The following NRXN3 variants were observed in gnomAD, a reference collection of about 807,000 sequenced individuals.
NRXN3 encodes the protein neurexin III.
In NRXN3, 32 loss-of-function variants were observed where a neutral mutation model predicts 137.6. That is an observed-to-expected ratio of 0.23 (90% confidence interval 0.18 to 0.31). The LOEUF is 0.31. NRXN3 is among the 10% of genes least tolerant of loss of function. The pLI, the probability that NRXN3 is intolerant of heterozygous loss-of-function variation, is 1.00. For synonymous variants in NRXN3, 798 were observed against 784.5 expected (o/e 1.02, Z -0.29); for missense variants, 1,574 against 2,062.5 (o/e 0.76, Z 4.59).
intron 15 of NRXN3, among the ~76,000 whole-genome samples, chr14:79,333,823 A>G (rs760545542): frequency 5.3e-5 from 8 of 152,180 alleles, no homozygotes; most frequent in Admixed American, 2.0e-4. Context: ...GTGCAGTGAA[A>G]GAGCCTTGCA....
intron 15 of NRXN3, among the ~76,000 whole-genome samples, chr14:79,044,213 A>C (rs2099629436): frequency 6.6e-6 from 1 of 152,188 alleles, no homozygotes; most frequent in Admixed American, 6.5e-5. Flanking sequence ...TCTTTTTGAG[A>C]AAACACGTTG....
intron 20 of NRXN3, chr14:79,853,642 C>G (rs2099396517): frequency 7.5e-7 from 1 of 1,338,596 alleles, no homozygotes; most frequent in Non-Finnish European, 9.9e-7. Context: ...GTGTAGTTCA[C>G]TCATAGATAT....
chr14:78,360,336 A>T (rs1312957203), intron 4 of NRXN3, among the ~76,000 whole-genome samples: 1 of 152,210 alleles, frequency 6.6e-6, no homozygotes, highest in African/African-American at 2.4e-5. Flanking sequence ...ATTCTTAGGC[A>T]TACAAATATT....
At chr14:79,788,674 AG>A (rs1291767749) in intron 19 of NRXN3, among the ~76,000 whole-genome samples, 1 of 152,208 alleles carries the variant, frequency 6.6e-6, no homozygotes, top group Non-Finnish European at 1.5e-5. Context: ...CCCTTGATAT[AG>A]TTGCCTCTAG....
chr14:79,081,796 A>C (rs1263681876), intron 15 of NRXN3, among the ~76,000 whole-genome samples: 3 of 152,102 alleles, frequency 2.0e-5, no homozygotes, highest in Non-Finnish European at 4.4e-5. Context: ...TAAACCAAAA[A>C]TGATCTAAAA....
rs144559584 is a variant in NRXN3, at chr14:79,647,122, G to T, written c.3445-16656G>T. Among the ~76,000 whole-genome samples the T allele has an allele frequency of 4.4e-5, 6 of 136,036 alleles. 1 individual carries two copies. Among genetic ancestry groups the T allele is most frequent in the Non-Finnish European group, 1.0e-4 (6 of 58,448 alleles). The allele number at this position is 136,036 out of a possible 152,430, so 89.2% of individuals were successfully genotyped here. A position where few individuals can be genotyped will look rare whatever the true frequency, so the allele number is the denominator to read the frequency against. ...TGGCTTGGATTTCACAATGAAGAGG[G>T]CTATGATTTATTGGCCCACTTAAAC... is the stretch of plus-strand genomic sequence containing the variant. On this transcript the variant is annotated intron_variant, in intron 16 of 20. Coordinates refer to ENST00000335750, the MANE Select transcript of NRXN3 (RefSeq NM_001330195.2).
intron 4 of NRXN3, among the ~76,000 whole-genome samples, chr14:78,612,329 A>G (rs1258551659): frequency 6.6e-6 from 1 of 152,214 alleles, no homozygotes; most frequent in Non-Finnish European, 1.5e-5. Context: ...GCTATTGCAA[A>G]CATGTTTTCA....
At chr14:78,320,433 G>A (rs61467094) in intron 4 of NRXN3, among the ~76,000 whole-genome samples, 3,147 of 152,210 alleles carry the variant, frequency 0.021, 112 homozygotes, top group African/African-American at 0.071. Context: ...GCTTGAGGTC[G>A]TCTGTGTGAG....
At chr14:79,505,259 T>G (rs2096867111) in intron 16 of NRXN3, among the ~76,000 whole-genome samples, 1 of 150,166 alleles carries the variant, frequency 6.7e-6, no homozygotes, top group South Asian at 2.1e-4. Flanking sequence ...AGACCACGTG[T>G]GCTGTTACAG....
intron 17 of NRXN3, among the ~76,000 whole-genome samples, chr14:79,677,833 T>C (rs1269727439): frequency 6.6e-6 from 1 of 152,166 alleles, no homozygotes; most frequent in East Asian, 1.9e-4. Context: ...TATTTCCATT[T>C]CCAGTAGTTG....
At chr14:79,340,364 A>C (rs993670133) in intron 15 of NRXN3, among the ~76,000 whole-genome samples, 1 of 152,164 alleles carries the variant, frequency 6.6e-6, no homozygotes, top group Non-Finnish European at 1.5e-5. Context: ...CCCTAACCTC[A>C]CTGATATATT....
At position 79,352,962 on chromosome 14, in the gene NRXN3, G is replaced by T. The variant is rs563982106; in HGVS notation, c.3263-114259G>T. Among the ~76,000 whole-genome samples the T allele has an allele frequency of 8.1e-4, 123 of 152,072 alleles. 4 individuals are homozygous for T. In the South Asian group the frequency reaches 0.025, roughly 31 times the overall value. ...TCCAACACCATCACTTATTAAACTTGGTTTTGTCACCTTAAAGTGGGGATA... is the reference window on the plus strand; with the variant it reads ...TCCAACACCATCACTTATTAAACTTTGTTTTGTCACCTTAAAGTGGGGATA... On this transcript the variant is annotated intron_variant, in intron 15 of 20. Transcript: ENST00000335750.
In NRXN3 at chr14:78,803,771, C is replaced by T; in HGVS notation, c.2196C>T (p.Asp732=). Residue 732 remains aspartate (D), a synonymous_variant, in exon 9 of 21, where the codon GAC becomes GAT. Coordinates refer to ENST00000335750, the MANE Select transcript of NRXN3 (RefSeq NM_001330195.2). ...LVATTSRDSA[D]TLRLELDGGR... ...CTACGACCTCCAGGGACTCTGCCGA[C>T]ACCCTGCGTCTGGAGCTGGATGGGG... 10 of 1,614,102 alleles carry T rather than the reference C, an allele frequency of 6.2e-6. No individual in the cohort carries two copies. In the South Asian group the frequency reaches 1.1e-4, roughly 18 times the overall value.
At chr14:79,751,884 G>A (rs1423159358) in intron 19 of NRXN3, among the ~76,000 whole-genome samples, 2 of 151,884 alleles carry the variant, frequency 1.3e-5, no homozygotes, top group Non-Finnish European at 2.9e-5. Flanking sequence ...TGATTGATTT[G>A]CATATATTGA....
intron 15 of NRXN3, among the ~76,000 whole-genome samples, chr14:79,071,736 T>C (rs73320855): frequency 0.012 from 1,793 of 152,204 alleles, 29 homozygotes; most frequent in African/African-American, 0.041. Context: ...TTAGAAAGAA[T>C]AAATAAGATT....
intron 15 of NRXN3, among the ~76,000 whole-genome samples, chr14:79,021,368 A>G (rs189657931): frequency 6.6e-6 from 1 of 152,344 alleles, no homozygotes; most frequent in East Asian, 1.9e-4. Flanking sequence ...GATGCTCTTC[A>G]GCTTCATGCT....
chr14:79,606,306 G>A (rs548213938), intron 16 of NRXN3, among the ~76,000 whole-genome samples: 1 of 152,244 alleles, frequency 6.6e-6, no homozygotes, highest in African/African-American at 2.4e-5. Context: ...GTGGTTCTTT[G>A]CTTAAAAAAA....
At chr14:79,801,593 G>A (rs1208922759) in intron 19 of NRXN3, among the ~76,000 whole-genome samples, 2 of 151,986 alleles carry the variant, frequency 1.3e-5, no homozygotes, top group East Asian at 3.9e-4. Context: ...CTACGTAGAG[G>A]AGTTGGGATT....
At chr14:79,134,043 T>A (rs527418410) in intron 15 of NRXN3, among the ~76,000 whole-genome samples, 1 of 152,314 alleles carries the variant, frequency 6.6e-6, no homozygotes, top group South Asian at 2.1e-4. Flanking sequence ...TATCTCCATC[T>A]TCAGAGAATG....
Sources: allele counts gnomAD v4.1 joint callset (sites outside exome capture counted in the v4.1 genomes callset), GRCh38; gene constraint gnomAD v4.1.1; transcripts MANE v1.5; gene names NCBI Gene and HGNC (gene_info 2026-07-23, HGNC 2026-07-21).